Variants in ARB2A observed in about 807,000 individuals in gnomAD.
ARB2A encodes ARB2 cotranscriptional regulator A, also known as cotranscriptional regulator ARB2A.
chr5:94,000,581 A>G, the ARB2A span, among the ~76,000 whole-genome samples: 1 of 152,026 alleles, frequency 6.6e-6, no homozygotes, highest in Non-Finnish European at 1.5e-5. Context: ...TATCTATTGC[A>G]ATTTTTTTCT....
the ARB2A span, among the ~76,000 whole-genome samples, chr5:93,922,656 G>GAGGA: frequency 1.2e-5 from 1 of 85,302 alleles, no homozygotes; most frequent in African/African-American, 4.5e-5. Context: ...GGGAGGGAGG[G>GAGGA]AGGGAGGAAG....
the ARB2A span, among the ~76,000 whole-genome samples, chr5:93,802,779 G>T: frequency 6.6e-6 from 1 of 151,986 alleles, no homozygotes; most frequent in African/African-American, 2.4e-5. Flanking sequence ...ATAAATTCTG[G>T]TTAAAACAGA....
the ARB2A span, among the ~76,000 whole-genome samples, chr5:93,794,776 C>CT: frequency 0.91 from 138,480 of 152,116 alleles, 63,410 homozygotes; most frequent in East Asian, 1. Context: ...ATCTTCAGGT[C>CT]TTGCAGCTAT....
chr5:93,642,373 A>T, the ARB2A span, among the ~76,000 whole-genome samples: 3 of 149,892 alleles, frequency 2.0e-5, no homozygotes, highest in Middle Eastern at 3.6e-3. Flanking sequence ...ATACCTGGCT[A>T]ATTTTTTATT....
At chr5:93,670,331 ACTCCAAGG>A in the ARB2A span, among the ~76,000 whole-genome samples, 2 of 152,118 alleles carry the variant, frequency 1.3e-5, no homozygotes, top group African/African-American at 4.8e-5. Context: ...AAAAATTTGG[ACTCCAAGG>A]CTCCAAGGCT....
the ARB2A span, among the ~76,000 whole-genome samples, chr5:94,033,531 T>C: frequency 5.3e-5 from 8 of 152,200 alleles, no homozygotes; most frequent in African/African-American, 1.9e-4. Context: ...TTCAAGCAAT[T>C]CTCCTGCCTC....
chr5:93,976,499 C>A, the ARB2A span, among the ~76,000 whole-genome samples: 1 of 152,178 alleles, frequency 6.6e-6, no homozygotes, highest in Non-Finnish European at 1.5e-5. Context: ...GTAATCCCCA[C>A]CTCTCAAGGG....
chr5:93,715,777 T>C, the ARB2A span, among the ~76,000 whole-genome samples: 2 of 151,878 alleles, frequency 1.3e-5, no homozygotes, highest in Non-Finnish European at 2.9e-5. Flanking sequence ...TGAGAACATG[T>C]AGAGAAAATT....
chr5:93,836,317 A>G, the ARB2A span, among the ~76,000 whole-genome samples: 1 of 152,208 alleles, frequency 6.6e-6, no homozygotes, highest in South Asian at 2.1e-4. Context: ...GTGAGCCACC[A>G]CGCCAGGCCT....
the ARB2A span, among the ~76,000 whole-genome samples, chr5:94,110,914 C>T: frequency 6.6e-6 from 1 of 152,124 alleles, no homozygotes; most frequent in African/African-American, 2.4e-5. Flanking sequence ...GATATAGACC[C>T]TGGAGCACTA....
the ARB2A span, among the ~76,000 whole-genome samples, chr5:94,019,859 T>A: frequency 6.6e-6 from 1 of 152,192 alleles, no homozygotes; most frequent in Non-Finnish European, 1.5e-5. Context: ...GTGTAATTAT[T>A]TGAATACACA....
the ARB2A span, among the ~76,000 whole-genome samples, chr5:93,972,035 A>T: frequency 6.6e-6 from 1 of 152,142 alleles, no homozygotes; most frequent in African/African-American, 2.4e-5. Context: ...CCCTTTTCTC[A>T]GTTCACTGTT....
At chr5:93,972,057 A>G in the ARB2A span, among the ~76,000 whole-genome samples, 3 of 152,266 alleles carry the variant, frequency 2.0e-5, no homozygotes, top group Non-Finnish European at 4.4e-5. Context: ...TGAACTTGGC[A>G]AAGGCTTTTC....
chr5:93,808,189 T>A, the ARB2A span, among the ~76,000 whole-genome samples: 1 of 151,998 alleles, frequency 6.6e-6, no homozygotes, highest in Non-Finnish European at 1.5e-5. Flanking sequence ...ATTCTTAAAA[T>A]GGGTTATTTT....
chr5:93,665,623 G>A, the ARB2A span, among the ~76,000 whole-genome samples: 1 of 152,228 alleles, frequency 6.6e-6, no homozygotes, highest in South Asian at 2.1e-4. Flanking sequence ...AAACAAACAG[G>A]GGTCAGGCAC....
the ARB2A span, among the ~76,000 whole-genome samples, chr5:93,983,105 C>T: frequency 6.6e-6 from 1 of 151,552 alleles, no homozygotes; most frequent in African/African-American, 2.4e-5. Context: ...TTTAATCTTA[C>T]GGAGCCACCT....
the ARB2A span, among the ~76,000 whole-genome samples, chr5:93,761,283 G>A: frequency 6.6e-6 from 1 of 152,136 alleles, no homozygotes; most frequent in African/African-American, 2.4e-5. Context: ...GAAGCACAAG[G>A]GGTCAGGGAA....
At chr5:93,651,605 C>CT in the ARB2A span, among the ~76,000 whole-genome samples, 3 of 152,074 alleles carry the variant, frequency 2.0e-5, no homozygotes, top group African/African-American at 7.2e-5. Context: ...AGATAAAACT[C>CT]TAATCTACAA....
At chr5:93,683,149 C>A in the ARB2A span, 2 of 1,440,540 alleles carry the variant, frequency 1.4e-6, no homozygotes, top group South Asian at 1.1e-5. Context: ...TCTTCACTGG[C>A]GCTTTTTCTT....
Sources: gnomAD v4.1 joint callset for allele counts (sites outside exome capture counted in the v4.1 genomes callset) on GRCh38, gnomAD v4.1.1 for gene constraint, MANE v1.5 for transcripts, NCBI Gene and HGNC (gene_info 2026-07-23, HGNC 2026-07-21) for gene names.